AR: variants seen among roughly 807,000 people sequenced by gnomAD.
The protein encoded by AR is dihydrotestosterone receptor.
AR carries 8 observed loss-of-function variants against 53.9 expected under a neutral mutation model. The observed-to-expected ratio is 0.15, with a 90% CI of 0.09 to 0.27. The LOEUF is 0.27. Among genes scored for constraint, AR ranks in the 10% least tolerant of loss-of-function variants. The pLI, the probability that AR is intolerant of heterozygous loss-of-function variation, is 1.00. For synonymous variants in AR, 359 were observed against 316.4 expected (o/e 1.13, Z -1.43); for missense variants, 639 against 742.5 (o/e 0.86, Z 1.62).
chrX:67,633,711 G>A lies in AR; in HGVS notation c.1617-9545G>A, dbSNP rs148672585. 1.3e-4 allele frequency among the ~76,000 whole-genome samples: 15 copies of A among 111,735 alleles called. No individual in the cohort carries two copies. The East Asian group carries it at 4.2e-3, about 32-fold the overall frequency. ...GAAAAACAAAATGTGGTATATCCAT[G>A]CCATGGTTTATCTGTCAATAATAAG... On this transcript the variant is annotated intron_variant, in intron 1 of 7. Coordinates refer to ENST00000374690, the MANE Select transcript of AR (RefSeq NM_000044.6).
chrX:67,692,961 G>C (rs2048463787), intron 3 of AR, among the ~76,000 whole-genome samples: 1 of 112,496 alleles, frequency 8.9e-6, no homozygotes, highest in Non-Finnish European at 1.9e-5. Flanking sequence ...GAGGGGAAAA[G>C]CTTTATGTCT....
At chrX:67,632,147 T>A (rs1925175467) in intron 1 of AR, among the ~76,000 whole-genome samples, 1 of 113,040 alleles carries the variant, frequency 8.8e-6, no homozygotes, top group African/African-American at 3.2e-5. Context: ...CAGGCCTCCT[T>A]GAGCTGTGGT....
intron 1 of AR, among the ~76,000 whole-genome samples, chrX:67,634,613 T>C (rs955744377): frequency 9.0e-6 from 1 of 111,729 alleles, no homozygotes; most frequent in African/African-American, 3.2e-5. Context: ...ATTTCGGTAA[T>C]ACTTTTAATA....
At chrX:67,662,293 A>G (rs1485975613) in intron 2 of AR, among the ~76,000 whole-genome samples, 5 of 110,551 alleles carry the variant, frequency 4.5e-5, no homozygotes, top group Admixed American at 1.9e-4. Flanking sequence ...TAGGGTTTCA[A>G]TTTTGGATCT....
intron 6 of AR, chrX:67,722,183 A>C (rs773498272): frequency 4.9e-6 from 2 of 411,923 alleles, no homozygotes; most frequent in East Asian, 4.4e-5. Context: ...GTCAACCTCC[A>C]TCAGATTCCC....
chrX:67,675,098 A>G (rs1318730924), intron 2 of AR, among the ~76,000 whole-genome samples: 2 of 110,060 alleles, frequency 1.8e-5, no homozygotes, highest in Non-Finnish European at 3.8e-5. Flanking sequence ...TTTGGGAGCT[A>G]GGGCCTGGCA....
intron 1 of AR, among the ~76,000 whole-genome samples, chrX:67,602,770 G>A (rs1169896185): frequency 1.8e-5 from 2 of 111,300 alleles, no homozygotes; most frequent in Non-Finnish European, 3.8e-5. Context: ...GGACTTGTGA[G>A]ACCCTGAGCA....
chrX:67,683,795 T>C (rs1169815178), intron 2 of AR, among the ~76,000 whole-genome samples: 1 of 111,741 alleles, frequency 8.9e-6, no homozygotes, highest in African/African-American at 3.3e-5. Context: ...ATCTACGTTT[T>C]AGGTTGCCTT....
chrX:67,551,827 C>T (rs948808819), intron 1 of AR, among the ~76,000 whole-genome samples: 4 of 111,386 alleles, frequency 3.6e-5, no homozygotes, highest in Admixed American at 9.5e-5. Flanking sequence ...GATGATTGTC[C>T]GTGAATTATT....
At chrX:67,660,447 C>T (rs1477545236) in intron 2 of AR, among the ~76,000 whole-genome samples, 5 of 111,415 alleles carry the variant, frequency 4.5e-5, no homozygotes, top group Non-Finnish European at 9.4e-5. Context: ...GCCAGTTTTC[C>T]CAACACCATT....
intron 1 of AR, among the ~76,000 whole-genome samples, chrX:67,628,263 C>T (rs1291495899): frequency 9.5e-6 from 1 of 105,731 alleles, no homozygotes; most frequent in Admixed American, 1.1e-4. Context: ...TTCTTCCTAC[C>T]CATGAGCATG....
At chrX:67,560,906 G>A in intron 1 of AR, among the ~76,000 whole-genome samples, 1 of 111,861 alleles carries the variant, frequency 8.9e-6, no homozygotes, top group East Asian at 2.8e-4. Flanking sequence ...AAAGAATGTT[G>A]GCTTCACTTC....
At chrX:67,716,100 T>G (rs759870003) in intron 4 of AR, among the ~76,000 whole-genome samples, 1 of 112,003 alleles carries the variant, frequency 8.9e-6, no homozygotes, top group African/African-American at 3.2e-5. Context: ...TGAGGGTCTT[T>G]AGGCCATTTG....
intron 3 of AR, among the ~76,000 whole-genome samples, chrX:67,690,171 C>A (rs934109778): frequency 8.9e-6 from 1 of 111,874 alleles, no homozygotes; most frequent in Non-Finnish European, 1.9e-5. Context: ...ATGTGAGAAC[C>A]TGAGGTGTGC....
At chrX:67,606,436 A>G (rs1479096492) in intron 1 of AR, among the ~76,000 whole-genome samples, 3 of 112,334 alleles carry the variant, frequency 2.7e-5, no homozygotes, top group Non-Finnish European at 5.6e-5. Context: ...CTACCACCTC[A>G]CATACTTATT....
At chrX:67,693,814 A>T (rs1452399749) in intron 3 of AR, among the ~76,000 whole-genome samples, 4 of 112,255 alleles carry the variant, frequency 3.6e-5, no homozygotes, top group African/African-American at 1.3e-4. Context: ...CAACCTTGTG[A>T]TACTTTTTAG....
At chrX:67,699,720 A>G (rs2076034924) in intron 3 of AR, among the ~76,000 whole-genome samples, 2 of 110,921 alleles carry the variant, frequency 1.8e-5, no homozygotes, top group South Asian at 7.7e-4. Context: ...GATTCTTTTC[A>G]TGTGTCAAAT....
chrX:67,587,647 T>A (rs1220006322), intron 1 of AR, among the ~76,000 whole-genome samples: 1 of 111,824 alleles, frequency 8.9e-6, no homozygotes, highest in Non-Finnish European at 1.9e-5. Flanking sequence ...CTGGAAAGGC[T>A]ACCTTTCCAG....
intron 1 of AR, among the ~76,000 whole-genome samples, chrX:67,594,932 A>G (rs923747170): frequency 9.0e-6 from 1 of 111,188 alleles, no homozygotes; most frequent in Non-Finnish European, 1.9e-5. Context: ...CTGAGCTACA[A>G]AGTGAAACCT....
Sources: allele counts gnomAD v4.1 joint callset (sites outside exome capture counted in the v4.1 genomes callset), GRCh38; gene constraint gnomAD v4.1.1; transcripts MANE v1.5; gene names NCBI Gene and HGNC (gene_info 2026-07-23, HGNC 2026-07-21).